Variants in UNC13B observed in about 807,000 individuals in gnomAD.
UNC13B encodes the protein unc-13 homolog B, also known as protein unc-13 homolog B.
Under a neutral mutation model 211.0 loss-of-function variants are expected in UNC13B, and 144 were observed. That is an observed-to-expected ratio of 0.68 (90% CI 0.60 to 0.78). The LOEUF is 0.78. Among genes scored for constraint, UNC13B ranks in the 30% least tolerant of loss-of-function variants. UNC13B has a pLI of 0.00. For missense variants in UNC13B, 1,777 were observed against 2,002.0 expected (o/e 0.89, Z 2.14); for synonymous variants, 709 against 725.8 (o/e 0.98, Z 0.37).
chr9:35,362,263 G>A (rs1833466488), intron 11 of UNC13B, among the ~76,000 whole-genome samples: 1 of 152,176 alleles, frequency 6.6e-6, no homozygotes, highest in African/African-American at 2.4e-5. Flanking sequence ...GTGCAGAGAG[G>A]GAGAGATCCA....
In UNC13B at chr9:35,384,249, G is replaced by A. The variant is rs1034784713; in HGVS notation, c.10810G>A (p.Glu3604Lys). 2 of 1,613,856 alleles carry A rather than the reference G, an allele frequency of 1.2e-6. No homozygotes were observed. The highest frequency in any genetic ancestry group is 1.7e-6 in the Non-Finnish European group (2 of 1,179,930). ...DRFAASNFGK[E>K]RFVKLLDQLH... is the part of the protein sequence containing the mutation. ...TTTATTTGTTTCTCACCCTCAGAAA[G>A]AGAGATTTGTAAAACTGCTGGACCA... Residue 3604 changes from glutamate to lysine, a missense_variant, in exon 22 of 40, where the codon GAG becomes AAG. Coordinates refer to ENST00000635942, the MANE Select transcript of UNC13B (RefSeq NM_001371189.2).
chr9:35,249,978 A>G (rs146896811), intron 6 of UNC13B, among the ~76,000 whole-genome samples: 83 of 152,186 alleles, frequency 5.5e-4, no homozygotes, highest in African/African-American at 1.8e-3. Flanking sequence ...ATTTTTATAT[A>G]CTGTACAGTT....
At chr9:35,393,424 C>T (rs1433974451) in intron 26 of UNC13B, among the ~76,000 whole-genome samples, 2 of 152,016 alleles carry the variant, frequency 1.3e-5, no homozygotes, top group Non-Finnish European at 2.9e-5. Flanking sequence ...AGAGAGCTGG[C>T]ATGCTTGGAG....
At position 35,259,192 on chromosome 9, in the gene UNC13B, C is replaced by T. The variant is rs1827112709; in HGVS notation, c.526+142C>T. 9.4e-6 allele frequency: 8 copies of T among 853,312 alleles called. No homozygotes were observed. In the South Asian group the frequency reaches 1.0e-4, roughly 11 times the overall value. The allele number at this position is 853,312 out of a possible 1,614,324, so 52.9% of individuals were successfully genotyped here. On this transcript the variant is annotated intron_variant, in intron 7 of 39. Transcript: ENST00000635942. ...TTCCTGAAGCACATCTGTTCAGGCG[C>T]CTTTCTCTGATGGCTGTCTATCTAT...
chr9:35,394,353 T>C (rs1031759644), intron 26 of UNC13B, among the ~76,000 whole-genome samples: 1 of 152,186 alleles, frequency 6.6e-6, no homozygotes, highest in African/African-American at 2.4e-5. Context: ...CCCAGCACTT[T>C]ATGGGCCTGA....
chr9:35,299,334 CT>C (rs1829558684), intron 8 of UNC13B, among the ~76,000 whole-genome samples: 1 of 151,982 alleles, frequency 6.6e-6, no homozygotes, highest in African/African-American at 2.4e-5. Context: ...GTATTTTTTT[CT>C]TATTAAAAGA....
chr9:35,394,989 G>A (rs867440162), intron 26 of UNC13B, among the ~76,000 whole-genome samples: 4 of 152,152 alleles, frequency 2.6e-5, no homozygotes, highest in Admixed American at 6.5e-5. Context: ...AAAGAGTTAG[G>A]GAGTTATGGA....
At chr9:35,316,631 G>A (rs1203424813) in intron 11 of UNC13B, among the ~76,000 whole-genome samples, 1 of 152,074 alleles carries the variant, frequency 6.6e-6, no homozygotes. Context: ...TTTTCAATGA[G>A]TTTTGAACTT....
At chr9:35,277,919 G>A (rs1828270169) in intron 7 of UNC13B, among the ~76,000 whole-genome samples, 1 of 151,912 alleles carries the variant, frequency 6.6e-6, no homozygotes, top group Non-Finnish European at 1.5e-5. Flanking sequence ...GTCCCGAGGT[G>A]GCAAAGGAAT....
chr9:35,341,087 G>C (rs1831964693), intron 11 of UNC13B, among the ~76,000 whole-genome samples: 1 of 152,096 alleles, frequency 6.6e-6, no homozygotes, highest in Admixed American at 6.5e-5. Flanking sequence ...TGAAATTTGG[G>C]GTCATAAAAG....
At chr9:35,397,605 T>C (rs1484314063) in intron 29 of UNC13B, 30 bp from the exon 30 acceptor site, 1 of 1,600,950 alleles carries the variant, frequency 6.2e-7, no homozygotes, top group Admixed American at 1.7e-5. Flanking sequence ...AGAGTTCCCT[T>C]TCCTTTTCTT....
chr9:35,275,387 G>A (rs1489320187), intron 7 of UNC13B, among the ~76,000 whole-genome samples: 1 of 152,080 alleles, frequency 6.6e-6, no homozygotes, highest in African/African-American at 2.4e-5. Flanking sequence ...ACTTTGTATA[G>A]GAGTTTTAAA....
Position 35,404,532 on chromosome 9 carries a change from T to C in UNC13B, c.*499T>C. Reference sequence around the variant, plus strand: ...CAGGGCAGGAGTACACAGAATAGAATTTAGACTGTCCCTTGAGTAGAATCC... The same window carrying C: ...CAGGGCAGGAGTACACAGAATAGAACTTAGACTGTCCCTTGAGTAGAATCC... On this transcript the variant is annotated 3_prime_UTR_variant, in exon 40 of 40. Transcript: ENST00000635942. 5.9e-6 allele frequency: 1 copy of C among 169,902 alleles called. No individual in the cohort carries two copies. Among genetic ancestry groups the C allele is most frequent in the Non-Finnish European group, 1.3e-5 (1 of 77,144 alleles). The allele number at this position is 169,902 out of a possible 1,614,324, so 10.5% of individuals were successfully genotyped here.
At chr9:35,400,158 A>C in intron 36 of UNC13B, 138 bp from the exon 37 acceptor site, 2 of 1,245,480 alleles carry the variant, frequency 1.6e-6, no homozygotes, top group Non-Finnish European at 2.2e-6. Context: ...TACTCATCCA[A>C]GAGCCTATGC....
intron 6 of UNC13B, among the ~76,000 whole-genome samples, chr9:35,257,336 T>TAAATATTTATAAAAATATTTATAA (rs1564097712): frequency 6.1e-5 from 8 of 131,498 alleles, no homozygotes; most frequent in African/African-American, 2.2e-4. Flanking sequence ...AATATTTATA[T>TAAATATTTATAAAAATATTTATAA]AAATATTTAT....
chr9:35,399,147 G>T lies in UNC13B; in HGVS notation c.12075-14G>T. 1 of 1,614,186 alleles carries T rather than the reference G, an allele frequency of 6.2e-7. No individual in the cohort carries two copies. Among genetic ancestry groups the T allele is most frequent in the African/African-American group, 1.3e-5 (1 of 75,040 alleles). On this transcript the variant is annotated splice_polypyrimidine_tract_variant and intron_variant, in intron 33 of 39. Transcript: ENST00000635942. ...AACTCTCACCCTGGTCTCACCTGTT[G>T]CCTGGACTTGCAGCCTCACCCTCTT...
At chr9:35,279,818 T>G (rs554116580) in intron 7 of UNC13B, among the ~76,000 whole-genome samples, 1 of 152,280 alleles carries the variant, frequency 6.6e-6, no homozygotes, top group South Asian at 2.1e-4. Flanking sequence ...TCATCTTTCC[T>G]TAGCTTTTAG....
rs1822943368 is a variant in UNC13B, at chr9:35,196,396, T to C, written c.23-31619T>C. ...CAGGTCACTGGCTGCAGAGTCAGTG[T>C]GAATAGGATTATTTCCCATAATCCC... On this transcript the variant is annotated intron_variant, in intron 1 of 39. Coordinates refer to ENST00000635942, the MANE Select transcript of UNC13B (RefSeq NM_001371189.2). 2.0e-5 allele frequency among the ~76,000 whole-genome samples: 3 copies of C among 152,224 alleles called. No homozygotes were observed. In the South Asian group the frequency reaches 6.2e-4, roughly 31 times the overall value.
intron 1 of UNC13B, among the ~76,000 whole-genome samples, chr9:35,177,850 A>G (rs1326620042): frequency 2.0e-5 from 3 of 152,198 alleles, no homozygotes; most frequent in Non-Finnish European, 4.4e-5. Context: ...GAAAAAATAT[A>G]ATGGATTGTA....
Sources: allele counts gnomAD v4.1 joint callset (sites outside exome capture counted in the v4.1 genomes callset), GRCh38; gene constraint gnomAD v4.1.1; transcripts MANE v1.5; gene names NCBI Gene and HGNC (gene_info 2026-07-23, HGNC 2026-07-21).